Variants in ADGRG1 observed in about 807,000 individuals in gnomAD.
ADGRG1 encodes adhesion G protein-coupled receptor G1.
Under a neutral mutation model 73.5 loss-of-function variants are expected in ADGRG1, and 53 were observed. That is an observed-to-expected ratio of 0.72 (90% CI 0.58 to 0.91). ADGRG1 has a LOEUF of 0.91. ADGRG1 is among the 40% of genes least tolerant of loss of function. The pLI is 0.00. For missense variants in ADGRG1, 795 were observed against 871.8 expected, an observed-to-expected ratio of 0.91 and a Z score of 1.11; for synonymous variants, 394 against 374.4, an observed-to-expected ratio of 1.05 and a Z score of -0.60.
chr16:57,653,427 G>C, intron 4 of ADGRG1, 92 bp downstream of exon 4: 1 of 1,576,258 alleles, frequency 6.3e-7, no homozygotes, highest in Non-Finnish European at 8.6e-7. Context: ...GGGCTACTGC[G>C]AGGCCTTCCC....
intron 11 of ADGRG1, chr16:57,660,257 G>A (rs1214731177): frequency 9.1e-6 from 9 of 985,238 alleles, no homozygotes; most frequent in African/African-American, 8.7e-5. Context: ...TGCTCTTCGC[G>A]GGTTTGTCAT....
rs755491753 is a variant in ADGRG1 at position 57,653,214 on chromosome 16, A to G, written c.499A>G (p.Thr167Ala). ...FTFSFHSPPH[T>A]AAHNASVDMC... ...CACCCCTCCCCCAGGTCCTCCCCAC[A>G]CGGCCGCTCACAATGCCTCGGTGGA... is the stretch of plus-strand genomic sequence containing the variant. Residue 167 changes from threonine (T) to alanine (A), a missense_variant, in exon 4 of 14, where the codon ACG becomes GCG. Coordinates refer to ENST00000562631, the MANE Select transcript of ADGRG1 (RefSeq NM_201525.4). The G allele has an allele frequency of 6.2e-7, 1 of 1,609,356 alleles. No individual in the cohort carries two copies. The highest frequency in any genetic ancestry group is 1.1e-5 in the South Asian group (1 of 91,058).
At chr16:57,631,177 T>C in intron 1 of ADGRG1, 1 of 986,096 alleles carries the variant, frequency 1.0e-6, no homozygotes, top group African/African-American at 1.7e-5. Flanking sequence ...TGGCGCCCAG[T>C]CGAGGGGAAG....
intron 3 of ADGRG1, chr16:57,651,928 G>A (rs1017970988): frequency 7.3e-7 from 1 of 1,362,496 alleles, no homozygotes. Flanking sequence ...GAAGGAGGAT[G>A]AGGTCTGAAT....
At chr16:57,626,590 C>T (rs2035874206), upstream of ADGRG1, 1 of 985,408 alleles carries the variant, frequency 1.0e-6, no homozygotes, top group Non-Finnish European at 1.2e-6. Context: ...GCCAGGCAGC[C>T]CCATAAGCCT....
chr16:57,636,818 A>G lies in ADGRG1; in HGVS notation c.-36+8016A>G, dbSNP rs115877857. ...GGTGAGCAAGACAGGTGAGACAGCAAAGCTGAGCAAGGGATAACAGGTAAG... is the reference window on the plus strand; with the variant it reads ...GGTGAGCAAGACAGGTGAGACAGCAGAGCTGAGCAAGGGATAACAGGTAAG... On this transcript the variant is annotated intron_variant, in intron 1 of 13. Coordinates refer to ENST00000562631, the MANE Select transcript of ADGRG1 (RefSeq NM_201525.4). 1,575 of 441,080 alleles carry G rather than the reference A, an allele frequency of 3.6e-3. 23 individuals carry two copies. Among genetic ancestry groups the G allele is most frequent in the African/African-American group, 0.028 (1,319 of 46,696 alleles). 27.3% of individuals were successfully genotyped at this position (441,080 alleles called of 1,614,324 possible).
intron 13 of ADGRG1, chr16:57,662,907 T>C: frequency 1.0e-6 from 1 of 984,864 alleles, no homozygotes; most frequent in Non-Finnish European, 1.2e-6. Context: ...CCATACAGGG[T>C]CACCCTAGAA....
chr16:57,636,416 G>A, intron 1 of ADGRG1: 1 of 985,298 alleles, frequency 1.0e-6, no homozygotes, highest in Non-Finnish European at 1.2e-6. Flanking sequence ...AGGGGAGTTT[G>A]CCTTGTGTTT....
At chr16:57,663,171 T>C in intron 13 of ADGRG1, 1 of 824,464 alleles carries the variant, frequency 1.2e-6, no homozygotes, top group Non-Finnish European at 1.5e-6. Flanking sequence ...CACGTCCCTT[T>C]ACCTGAGCCT....
rs1376041 is a variant in ADGRG1 at position 57,655,971 on chromosome 16, T to C, written c.996T>C (p.Thr332=). ...ACCTCACGGAGCCCGTGGTGCTCAC[T>C]TTCCAGCACCAGCTACAGCCGGTGA... The part of the protein sequence containing the change: ...VANLTEPVVL[T]FQHQLQPKNV... Residue 332 remains threonine, a synonymous_variant, in exon 7 of 14, where the codon ACT becomes ACC. Coordinates refer to ENST00000562631, the MANE Select transcript of ADGRG1 (RefSeq NM_201525.4). 1,164,192 of 1,613,752 alleles carry C rather than the reference T, an allele frequency of 0.72. 423,394 individuals are homozygous for C. The highest frequency in any genetic ancestry group is 0.95 in the African/African-American group (71,217 of 75,032).
At chr16:57,626,611 G>A (rs1301001952), upstream of ADGRG1, 3 of 985,326 alleles carry the variant, frequency 3.0e-6, no homozygotes, top group African/African-American at 3.5e-5. Flanking sequence ...CTCCTATGTG[G>A]CCAGAGTGGC....
At chr16:57,636,402 A>G (rs9938102) in intron 1 of ADGRG1, 531,059 of 984,824 alleles carry the variant, frequency 0.54, 146,503 homozygotes, top group African/African-American at 0.86. Context: ...TATCGGGAAA[A>G]CAAAGGGGAG....
At chr16:57,619,745 G>A (rs1303755552), upstream of ADGRG1, 1 of 152,518 alleles carries the variant, frequency 6.6e-6, no homozygotes, top group African/African-American at 2.4e-5. Flanking sequence ...CTCACAAAGA[G>A]TTGGCAGATC....
chr16:57,631,507 C>G (rs1290961811), intron 1 of ADGRG1: 3 of 985,434 alleles, frequency 3.0e-6, no homozygotes, highest in Non-Finnish European at 3.6e-6. Context: ...CAACAGAGCC[C>G]CAAACCCCAG....
intron 1 of ADGRG1, chr16:57,637,574 C>T (rs558805642): frequency 1.8e-4 from 176 of 985,410 alleles, no homozygotes; most frequent in Admixed American, 6.1e-4. Context: ...TGAGCCTTTC[C>T]GGGAGAAGGT....
In ADGRG1 at chr16:57,656,525, G is replaced by A; in HGVS notation, c.1075G>A (p.Gly359Arg). ...WVEDPTLSSPGHWSSAGCETV... is the reference protein window; with the variant it reads ...WVEDPTLSSPRHWSSAGCETV... ...TGTCCCCTCCTCAGTGAGCAGCCCG[G>A]GGCATTGGAGCAGTGCTGGGTGTGA... The change falls in exon 9 of 14, where the codon GGG becomes AGG. Residue 359 changes from glycine to arginine, a missense_variant. Physicochemically the swap from Gly to Arg is moderately radical, Grantham distance 125. Transcript: ENST00000562631. 1 of 1,613,280 alleles carries A rather than the reference G, an allele frequency of 6.2e-7. No homozygotes were observed.
intron 1 of ADGRG1, chr16:57,630,004 G>A: frequency 1.0e-6 from 1 of 985,362 alleles, no homozygotes; most frequent in Non-Finnish European, 1.2e-6. Context: ...GGGTCCACGG[G>A]CTGTGTAGGA....
chr16:57,653,377 A>G (rs762848981), intron 4 of ADGRG1, 42 bp downstream of exon 4: 7 of 1,601,384 alleles, frequency 4.4e-6, no homozygotes, highest in Non-Finnish European at 5.9e-6. Context: ...GCAGGAAGGC[A>G]TCAGAGATCT....
At position 57,645,385 on chromosome 16, in the gene ADGRG1, A is replaced by G. The variant is rs530811663; in HGVS notation, c.-35-4868A>G. On this transcript the variant is annotated intron_variant, in intron 1 of 13. Transcript: ENST00000562631. ...TCCCTTCCCACCCCACCACCCCCCA[A>G]CCTGATGCCTGCCCTTCTCCTGATG... The G allele has an allele frequency of 4.2e-5, 36 of 865,234 alleles. No homozygotes were observed. In the African/African-American group the frequency reaches 6.3e-4, roughly 15 times the overall value. The allele number at this position is 865,234 out of a possible 1,614,324, so 53.6% of individuals were successfully genotyped here. A position where few individuals can be genotyped will look rare whatever the true frequency, so the allele number is the denominator to read the frequency against.
Sources: gnomAD v4.1 joint callset for allele counts on GRCh38, gnomAD v4.1.1 for gene constraint, MANE v1.5 for transcripts, NCBI Gene and HGNC (gene_info 2026-07-23, HGNC 2026-07-21) for gene names.